The following BBS9 variants were observed in gnomAD, a reference collection of about 807,000 sequenced individuals.
BBS9 encodes the protein protein PTHB1.
A neutral mutation model predicts 117.7 loss-of-function variants in BBS9; 89 were observed. The ratio of observed to expected loss-of-function variants is 0.76; its 90% CI spans 0.64 to 0.90. BBS9 has a LOEUF of 0.90. Ranked by LOEUF, BBS9 falls within the 40% of genes least tolerant of loss-of-function variation. BBS9 has a pLI of 0.00. For synonymous variants in BBS9, 379 were observed against 370.9 expected, an observed-to-expected ratio of 1.02 and a Z score of -0.25; for missense variants, 982 against 1,042.2, an observed-to-expected ratio of 0.94 and a Z score of 0.80.
intron 21 of BBS9, among the ~76,000 whole-genome samples, chr7:33,565,718 C>T (rs977180158): frequency 3.6e-5 from 5 of 138,384 alleles, no homozygotes; most frequent in Non-Finnish European, 7.8e-5. Flanking sequence ...TGCATAATAG[C>T]CAGCATCCAA....
At chr7:33,227,946 A>C (rs1791611190) in intron 5 of BBS9, among the ~76,000 whole-genome samples, 1 of 152,090 alleles carries the variant, frequency 6.6e-6, no homozygotes, top group East Asian at 1.9e-4. Flanking sequence ...ATGTGTGCAC[A>C]TGTGTCTTTT....
intron 7 of BBS9, among the ~76,000 whole-genome samples, chr7:33,267,819 A>G (rs12537512): frequency 0.18 from 28,011 of 152,174 alleles, 3,414 homozygotes; most frequent in Admixed American, 0.34. Flanking sequence ...TTTAATTTGT[A>G]TAATTCCATC....
intron 19 of BBS9, among the ~76,000 whole-genome samples, chr7:33,395,390 G>T (rs754793456): frequency 3.3e-5 from 5 of 152,124 alleles, no homozygotes; most frequent in Non-Finnish European, 5.9e-5. Flanking sequence ...AAGACTGATT[G>T]GTTGAGTAAA....
chr7:33,351,337 C>T lies in BBS9; in HGVS notation c.1537+14C>T, dbSNP rs754694089. 5.2e-6 allele frequency: 8 copies of T among 1,529,696 alleles called. No homozygotes were observed. Among genetic ancestry groups the T allele is most frequent in the Non-Finnish European group, 7.3e-6 (8 of 1,103,272 alleles). 94.8% of individuals were successfully genotyped at this position (1,529,696 alleles called of 1,614,324 possible). ...CCAGACCAACAGGTAAACATACAGGCTTAATCATTACTTTAAGTTGTTGGA... is the reference window on the plus strand; with the variant it reads ...CCAGACCAACAGGTAAACATACAGGTTTAATCATTACTTTAAGTTGTTGGA... On this transcript the variant is annotated intron_variant, in intron 14 of 22. Transcript: ENST00000242067.
At chr7:33,236,794 GTTCTT>G (rs1793606510) in intron 5 of BBS9, among the ~76,000 whole-genome samples, 2 of 152,012 alleles carry the variant, frequency 1.3e-5, no homozygotes, top group Middle Eastern at 3.4e-3. Context: ...TTAAAAATCT[GTTCTT>G]TTAGCAATTT....
chr7:33,328,277 C>T (rs970728918), intron 9 of BBS9, among the ~76,000 whole-genome samples: 2 of 152,200 alleles, frequency 1.3e-5, no homozygotes, highest in African/African-American at 4.8e-5. Context: ...TTACTGTGCT[C>T]TATCTACTAC....
At chr7:33,294,090 C>T (rs1804662492) in intron 9 of BBS9, among the ~76,000 whole-genome samples, 1 of 152,164 alleles carries the variant, frequency 6.6e-6, no homozygotes, top group African/African-American at 2.4e-5. Flanking sequence ...CTTAGTCTAA[C>T]ATATACTTTG....
At chr7:33,424,625 A>G (rs1833379040) in intron 19 of BBS9, among the ~76,000 whole-genome samples, 2 of 152,216 alleles carry the variant, frequency 1.3e-5, no homozygotes, top group Admixed American at 6.5e-5. Flanking sequence ...AATATCTAAA[A>G]AAAGCACATG....
intron 9 of BBS9, among the ~76,000 whole-genome samples, chr7:33,295,780 C>A (rs10486526): frequency 3.1e-4 from 47 of 152,058 alleles, no homozygotes; most frequent in African/African-American, 1.0e-3. Context: ...TTGATCCAGA[C>A]TGTTAACAAA....
At chr7:33,495,965 T>G (rs1170586170) in intron 19 of BBS9, among the ~76,000 whole-genome samples, 1 of 152,174 alleles carries the variant, frequency 6.6e-6, no homozygotes, top group East Asian at 1.9e-4. Flanking sequence ...CGGTTTTATG[T>G]GAATTCTCAA....
chr7:33,320,168 T>TA (rs1811392126), intron 9 of BBS9, among the ~76,000 whole-genome samples: 1 of 152,178 alleles, frequency 6.6e-6, no homozygotes, highest in Non-Finnish European at 1.5e-5. Flanking sequence ...AGTCACCCTG[T>TA]TGTGCTAGCA....
At chr7:33,475,797 G>T (rs551795022) in intron 19 of BBS9, among the ~76,000 whole-genome samples, 1 of 152,098 alleles carries the variant, frequency 6.6e-6, no homozygotes, top group South Asian at 2.1e-4. Flanking sequence ...AAGAAAGAGC[G>T]AGAGGAATGA....
At chr7:33,299,174 T>C (rs1272313232) in intron 9 of BBS9, among the ~76,000 whole-genome samples, 2 of 152,170 alleles carry the variant, frequency 1.3e-5, no homozygotes, top group African/African-American at 4.8e-5. Context: ...TTATTCACAA[T>C]TGCATGCATA....
chr7:33,394,231 C>T (rs1041280031), intron 19 of BBS9, among the ~76,000 whole-genome samples: 1 of 152,116 alleles, frequency 6.6e-6, no homozygotes, highest in African/African-American at 2.4e-5. Flanking sequence ...TAAAAAAGAA[C>T]AAGATTATGT....
Position 33,155,622 on chromosome 7 carries a change from T to G in BBS9, c.264-16T>G, listed in dbSNP as rs753247263. On this transcript the variant is annotated splice_polypyrimidine_tract_variant and intron_variant, in intron 3 of 22. Coordinates refer to ENST00000242067, the MANE Select transcript of BBS9 (RefSeq NM_198428.3). ...GCTAATATTGGAAAACTTTAAAAAC[T>G]TTCTCTGTTTTTCAGAGGTACCGAA... 1.6e-5 allele frequency: 25 copies of G among 1,580,400 alleles called. No individual in the cohort carries two copies. The highest frequency in any genetic ancestry group is 1.7e-4 in the Middle Eastern group (1 of 6,032).
chr7:33,211,723 A>G (rs1788061273), intron 5 of BBS9, among the ~76,000 whole-genome samples: 1 of 152,148 alleles, frequency 6.6e-6, no homozygotes, highest in African/African-American at 2.4e-5. Flanking sequence ...TCTCATTAAC[A>G]TCCTTTTCTT....
At chr7:33,175,937 C>CTT (rs1419905653) in intron 4 of BBS9, among the ~76,000 whole-genome samples, 2 of 152,058 alleles carry the variant, frequency 1.3e-5, no homozygotes, top group Admixed American at 1.3e-4. Flanking sequence ...GGGTTTTGGG[C>CTT]TTCTGTACAC....
At chr7:33,525,694 CTT>C (rs1310601619) in intron 20 of BBS9, among the ~76,000 whole-genome samples, 1 of 128,118 alleles carries the variant, frequency 7.8e-6, no homozygotes, top group Non-Finnish European at 1.6e-5. Flanking sequence ...GGTCTTGACT[CTT>C]TATCCAATTT....
intron 6 of BBS9, 57 bp from the exon 7 acceptor site, chr7:33,264,233 A>T: frequency 1.1e-6 from 1 of 914,464 alleles, no homozygotes; most frequent in Non-Finnish European, 1.5e-6. Context: ...AGTTTAAAAT[A>T]ATTTATAATT....
Sources: gnomAD v4.1 joint callset for allele counts (sites outside exome capture counted in the v4.1 genomes callset) on GRCh38, gnomAD v4.1.1 for gene constraint, MANE v1.5 for transcripts, NCBI Gene and HGNC (gene_info 2026-07-23, HGNC 2026-07-21) for gene names.